Variants in XKR9 observed in about 807,000 individuals in gnomAD.
XKR9 encodes XK related 9, also known as XK-related protein 9.
Under a neutral mutation model 32.0 loss-of-function variants are expected in XKR9, and 32 were observed. That is an observed-to-expected ratio of 1.00 (90% confidence interval 0.76 to 1.34). XKR9 has a LOEUF of 1.34. Among genes scored for constraint, XKR9 ranks in the 40% most tolerant of loss-of-function variants. The probability of loss-of-function intolerance (pLI) is 0.00; values close to 1 mark genes in which losing one functional copy is unlikely to be tolerated. For synonymous variants in XKR9, 168 were observed against 143.4 expected, an observed-to-expected ratio of 1.17 and a Z score of -1.22; for missense variants, 546 against 429.7, an observed-to-expected ratio of 1.27 and a Z score of -2.39.
the XKR9 span, among the ~76,000 whole-genome samples, chr8:70,945,825 A>G: frequency 6.6e-6 from 1 of 152,224 alleles, no homozygotes; most frequent in African/African-American, 2.4e-5. Flanking sequence ...ATTGACTTAC[A>G]GACTTACTAC....
chr8:70,852,801 G>GA, the XKR9 span, among the ~76,000 whole-genome samples: 1 of 152,074 alleles, frequency 6.6e-6, no homozygotes, highest in African/African-American at 2.4e-5. Flanking sequence ...TGAACAATGA[G>GA]AATATGTGGG....
chr8:70,813,717 G>T, the XKR9 span, among the ~76,000 whole-genome samples: 1 of 152,190 alleles, frequency 6.6e-6, no homozygotes, highest in Non-Finnish European at 1.5e-5. Flanking sequence ...GGCCGTCAGA[G>T]AAATGCAAAT....
At chr8:70,819,330 G>T in the XKR9 span, among the ~76,000 whole-genome samples, 2 of 152,176 alleles carry the variant, frequency 1.3e-5, no homozygotes, top group Non-Finnish European at 2.9e-5. Context: ...AAAAGATTTA[G>T]TGATATTTTA....
At chr8:70,979,260 C>T in the XKR9 span, among the ~76,000 whole-genome samples, 15 of 152,312 alleles carry the variant, frequency 9.8e-5, no homozygotes, top group East Asian at 1.2e-3. Flanking sequence ...AATCATTCTC[C>T]GTCCAGCTTT....
chr8:70,877,768 C>T, the XKR9 span, among the ~76,000 whole-genome samples: 8 of 152,124 alleles, frequency 5.3e-5, no homozygotes, highest in Non-Finnish European at 1.0e-4. Context: ...ACTTCCCCAA[C>T]ATAGCAAGGC....
intron 3 of XKR9, among the ~76,000 whole-genome samples, chr8:70,697,047 T>G (rs1487106801): frequency 2.0e-5 from 3 of 151,930 alleles, no homozygotes; most frequent in Non-Finnish European, 4.4e-5. Flanking sequence ...TCCTGAGACT[T>G]TGCCGAAGTT....
the XKR9 span, among the ~76,000 whole-genome samples, chr8:71,044,394 T>C: frequency 2.0e-5 from 3 of 152,118 alleles, no homozygotes; most frequent in Non-Finnish European, 4.4e-5. Flanking sequence ...AAGAACAAAG[T>C]TGAGCAATTG....
At chr8:70,770,591 T>C (rs1305734696) in intron 2 of XKR9, among the ~76,000 whole-genome samples, 1 of 152,186 alleles carries the variant, frequency 6.6e-6, no homozygotes, top group Admixed American at 6.5e-5. Flanking sequence ...GCTGCTGTCT[T>C]CCTTTCAGAG....
chr8:70,675,730 T>C (rs893741101), intron 2 of XKR9, among the ~76,000 whole-genome samples: 7 of 152,202 alleles, frequency 4.6e-5, no homozygotes, highest in African/African-American at 1.7e-4. Flanking sequence ...ATGGGTGATC[T>C]TTGCTCCACT....
chr8:70,725,780 C>T (rs1385683759), intron 4 of XKR9, among the ~76,000 whole-genome samples: 2 of 151,966 alleles, frequency 1.3e-5, no homozygotes, highest in African/African-American at 4.8e-5. Context: ...GTAGTGGTCG[C>T]CTGTAATACC....
At chr8:70,941,158 T>C in the XKR9 span, among the ~76,000 whole-genome samples, 1 of 152,002 alleles carries the variant, frequency 6.6e-6, no homozygotes, top group East Asian at 1.9e-4. Flanking sequence ...ACCAATCTGC[T>C]TTCTGTCTTT....
the XKR9 span, among the ~76,000 whole-genome samples, chr8:70,933,351 C>T: frequency 3.1e-4 from 47 of 151,972 alleles, no homozygotes; most frequent in African/African-American, 1.1e-3. Flanking sequence ...AATAATGGGA[C>T]GCTTAGGGCG....
chr8:70,956,694 TG>T, the XKR9 span, among the ~76,000 whole-genome samples: 2 of 151,880 alleles, frequency 1.3e-5, no homozygotes, highest in African/African-American at 4.8e-5. Context: ...AGTCTGGAGG[TG>T]GCCAAGTAGG....
intron 2 of XKR9, among the ~76,000 whole-genome samples, chr8:70,780,504 A>G (rs192755330): frequency 7.9e-5 from 12 of 152,208 alleles, no homozygotes; most frequent in Admixed American, 7.9e-4. Flanking sequence ...TAGAAACATA[A>G]TGTTCAGTCT....
chr8:71,007,283 A>G, the XKR9 span, among the ~76,000 whole-genome samples: 1 of 152,172 alleles, frequency 6.6e-6, no homozygotes, highest in Admixed American at 6.5e-5. Flanking sequence ...CTTTACATAC[A>G]TTTTAGGTGA....
At chr8:70,844,197 C>T in the XKR9 span, among the ~76,000 whole-genome samples, 1 of 152,230 alleles carries the variant, frequency 6.6e-6, no homozygotes, top group Non-Finnish European at 1.5e-5. Context: ...ACAAGCTATG[C>T]TGCCATCTGC....
intron 2 of XKR9, among the ~76,000 whole-genome samples, chr8:70,784,397 T>A (rs1807656066): frequency 7.7e-6 from 1 of 130,622 alleles, no homozygotes; most frequent in Non-Finnish European, 1.7e-5. Flanking sequence ...TTTTTATAGT[T>A]TTTAGTGTAC....
chr8:70,860,319 CTT>C, the XKR9 span, among the ~76,000 whole-genome samples: 585 of 152,166 alleles, frequency 3.8e-3, 2 homozygotes, highest in Middle Eastern at 0.024. Context: ...AGCTAGCTCT[CTT>C]TATGCCATGT....
intron 4 of XKR9, among the ~76,000 whole-genome samples, chr8:70,712,365 G>T (rs1044284263): frequency 3.3e-5 from 5 of 152,120 alleles, no homozygotes; most frequent in Non-Finnish European, 5.9e-5. Flanking sequence ...TGGGAAAGCA[G>T]CATAGTTAAG....
Sources: gnomAD v4.1 joint callset for allele counts (sites outside exome capture counted in the v4.1 genomes callset) on GRCh38, gnomAD v4.1.1 for gene constraint, MANE v1.5 for transcripts, NCBI Gene and HGNC (gene_info 2026-07-23, HGNC 2026-07-21) for gene names.